The following LRFN5 variants were observed in gnomAD, a reference collection of about 807,000 sequenced individuals.
The protein encoded by LRFN5 is leucine-rich repeat and fibronectin type-III domain-containing protein 5.
Under a neutral mutation model 45.6 loss-of-function variants are expected in LRFN5, and 24 were observed. The ratio of observed to expected loss-of-function variants is 0.53; its 90% CI spans 0.38 to 0.74. The LOEUF (loss-of-function observed/expected upper bound fraction) is 0.74, where lower values mean the gene tolerates loss of function less well. Ranked by LOEUF, LRFN5 falls within the 30% of genes least tolerant of loss-of-function variation. LRFN5 has a pLI of 0.00. For synonymous variants in LRFN5, 340 were observed against 313.8 expected, an observed-to-expected ratio of 1.08 and a Z score of -0.88; for missense variants, 776 against 861.5, an observed-to-expected ratio of 0.90 and a Z score of 1.24.
intron 4 of LRFN5, chr14:41,892,863 G>A (rs940214200): frequency 7.1e-6 from 7 of 984,810 alleles, no homozygotes; most frequent in Non-Finnish European, 8.4e-6. Flanking sequence ...ATATGAAGAT[G>A]TTTTCATTCA....
chr14:41,876,444 CTTT>C (rs71105408), intron 2 of LRFN5, among the ~76,000 whole-genome samples: 41 of 129,066 alleles, frequency 3.2e-4, no homozygotes, highest in African/African-American at 1.1e-3. Flanking sequence ...CCATGCCTGG[CTTT>C]TTTTTTTTTT....
At chr14:41,719,006 A>G (rs921383068) in intron 1 of LRFN5, among the ~76,000 whole-genome samples, 4 of 152,214 alleles carry the variant, frequency 2.6e-5, no homozygotes, top group Non-Finnish European at 5.9e-5. Context: ...GGCAGCATTA[A>G]GAGGAAGCTG....
At chr14:41,797,894 G>C (rs934047308) in intron 2 of LRFN5, among the ~76,000 whole-genome samples, 2 of 151,192 alleles carry the variant, frequency 1.3e-5, no homozygotes, top group Admixed American at 6.6e-5. Context: ...TTTAATGTTT[G>C]GATTTCTTGT....
At chr14:41,644,171 C>T (rs192864488) in intron 1 of LRFN5, among the ~76,000 whole-genome samples, 20 of 152,230 alleles carry the variant, frequency 1.3e-4, no homozygotes, top group Admixed American at 2.6e-4. Flanking sequence ...TTAATAGATG[C>T]CTTGAGATTC....
At chr14:41,885,553 T>C (rs1890538446) in intron 2 of LRFN5, among the ~76,000 whole-genome samples, 1 of 152,144 alleles carries the variant, frequency 6.6e-6, no homozygotes, top group Non-Finnish European at 1.5e-5. Context: ...TAATATCTTG[T>C]TGAACATACT....
intron 1 of LRFN5, among the ~76,000 whole-genome samples, chr14:41,696,094 C>T (rs968023427): frequency 6.6e-6 from 1 of 151,772 alleles, no homozygotes; most frequent in South Asian, 2.1e-4. Context: ...TTGAGGGGTT[C>T]AAGACTTCAG....
chr14:41,801,688 C>T (rs532933790), intron 2 of LRFN5, among the ~76,000 whole-genome samples: 1 of 152,310 alleles, frequency 6.6e-6, no homozygotes, highest in South Asian at 2.1e-4. Context: ...AAGCACCACA[C>T]AGAGTGTGTT....
At chr14:41,870,943 G>A (rs189615123) in intron 2 of LRFN5, among the ~76,000 whole-genome samples, 9 of 151,080 alleles carry the variant, frequency 6.0e-5, no homozygotes, top group Non-Finnish European at 5.9e-5. Context: ...TATTACAACC[G>A]ACCAGGTATA....
intron 2 of LRFN5, among the ~76,000 whole-genome samples, chr14:41,825,079 A>G (rs1045399016): frequency 6.6e-6 from 1 of 152,182 alleles, no homozygotes; most frequent in Non-Finnish European, 1.5e-5. Context: ...TTGTTAGCCC[A>G]GAACAGATAG....
chr14:41,773,488 A>G (rs1886163371), intron 2 of LRFN5, among the ~76,000 whole-genome samples: 1 of 152,192 alleles, frequency 6.6e-6, no homozygotes, highest in Non-Finnish European at 1.5e-5. Flanking sequence ...AATTTTGCTC[A>G]ACATTAAAAT....
At chr14:41,823,229 C>T (rs565290990) in intron 2 of LRFN5, among the ~76,000 whole-genome samples, 134 of 151,966 alleles carry the variant, frequency 8.8e-4, no homozygotes, top group African/African-American at 3.1e-3. Context: ...TATATAAGAC[C>T]TGTGAGTTTT....
intron 5 of LRFN5, among the ~76,000 whole-genome samples, chr14:41,903,741 TAC>T (rs1175753594): frequency 6.6e-6 from 1 of 151,992 alleles, no homozygotes; most frequent in Non-Finnish European, 1.5e-5. Flanking sequence ...TTTAATATCA[TAC>T]ACATTTTCTA....
At chr14:41,761,920 A>G (rs1369304305) in intron 1 of LRFN5, among the ~76,000 whole-genome samples, 2 of 152,020 alleles carry the variant, frequency 1.3e-5, no homozygotes, top group Non-Finnish European at 2.9e-5. Flanking sequence ...GAATTTTACA[A>G]CCACTATCTA....
chr14:41,775,176 C>T (rs1445432493), intron 2 of LRFN5, among the ~76,000 whole-genome samples: 1 of 143,450 alleles, frequency 7.0e-6, no homozygotes, highest in Non-Finnish European at 1.5e-5. Flanking sequence ...ATGCAAGCTC[C>T]GCCTCCCGGG....
chr14:41,808,590 GAA>G (rs1252019093), intron 2 of LRFN5, among the ~76,000 whole-genome samples: 32 of 141,576 alleles, frequency 2.3e-4, no homozygotes, highest in African/African-American at 8.2e-4. Flanking sequence ...AGGAAGGAAG[GAA>G]GGAACGAAGG....
At chr14:41,840,281 T>C (rs1302774096) in intron 2 of LRFN5, among the ~76,000 whole-genome samples, 1 of 152,058 alleles carries the variant, frequency 6.6e-6, no homozygotes, top group African/African-American at 2.4e-5. Context: ...AAAAAGGAAT[T>C]CAAGCAGCAA....
intron 2 of LRFN5, among the ~76,000 whole-genome samples, chr14:41,812,129 T>C (rs1887757915): frequency 6.6e-6 from 1 of 152,062 alleles, no homozygotes; most frequent in South Asian, 2.1e-4. Flanking sequence ...TTAAATACTC[T>C]GAACCAATTT....
chr14:41,620,394 G>A (rs1169060608), intron 1 of LRFN5, among the ~76,000 whole-genome samples: 1 of 152,030 alleles, frequency 6.6e-6, no homozygotes, highest in South Asian at 2.1e-4. Flanking sequence ...ATTATGTAAA[G>A]TTACAAACAC....
chr14:41,690,143 T>C (rs1289485023), intron 1 of LRFN5, among the ~76,000 whole-genome samples: 4 of 152,046 alleles, frequency 2.6e-5, no homozygotes, highest in Admixed American at 2.0e-4. Flanking sequence ...GCAAACCAAA[T>C]GTAGCAATAT....
Sources: gnomAD v4.1 joint callset for allele counts (sites outside exome capture counted in the v4.1 genomes callset) on GRCh38, gnomAD v4.1.1 for gene constraint, MANE v1.5 for transcripts, NCBI Gene and HGNC (gene_info 2026-07-23, HGNC 2026-07-21) for gene names.